CRABP1: variants seen among roughly 807,000 people sequenced by gnomAD.
CRABP1 encodes the protein cellular retinoic acid-binding protein 1.
Under a neutral mutation model 16.4 loss-of-function variants are expected in CRABP1, and 9 were observed. That is an observed-to-expected ratio of 0.55 (90% CI 0.33 to 0.96). CRABP1 has a LOEUF of 0.96. CRABP1 is among the 40% of genes least tolerant of loss of function. The pLI is 0.03. For missense variants in CRABP1, 157 were observed against 186.0 expected, an observed-to-expected ratio of 0.84 and a Z score of 0.91; for synonymous variants, 72 against 70.4, an observed-to-expected ratio of 1.02 and a Z score of -0.11.
At chr15:78,342,711 A>G (rs1411274269) in intron 2 of CRABP1, among the ~76,000 whole-genome samples, 2 of 152,350 alleles carry the variant, frequency 1.3e-5, no homozygotes, top group Non-Finnish European at 2.9e-5. Context: ...ACCGAGGTTT[A>G]TCAGTGCAGG....
At chr15:78,347,889 T>C (rs1364352955) in intron 3 of CRABP1, 38 bp from the exon 4 acceptor site, 2 of 1,609,986 alleles carry the variant, frequency 1.2e-6, no homozygotes, top group Non-Finnish European at 1.7e-6. Flanking sequence ...TGCACAGGCA[T>C]CTGCACTGAT....
At chr15:78,343,951 C>T (rs2050250258) in intron 3 of CRABP1, among the ~76,000 whole-genome samples, 1 of 152,194 alleles carries the variant, frequency 6.6e-6, no homozygotes, top group Admixed American at 6.5e-5. Flanking sequence ...TATGAGGTCC[C>T]CACGCTCACA....
At position 78,341,104 on chromosome 15, in the gene CRABP1, C is replaced by G; in HGVS notation, c.132C>G (p.Ile44Met). 1 of 1,612,926 alleles carries G rather than the reference C, an allele frequency of 6.2e-7. No individual in the cohort carries two copies. Reference sequence around the variant, plus strand: ...CTGCGTCCAAGCCGCACGTGGAGATCCGCCAGGACGGGGATCAGTTCTACA... The same window carrying G: ...CTGCGTCCAAGCCGCACGTGGAGATGCGCCAGGACGGGGATCAGTTCTACA... Reference protein sequence around the residue: ...VAAASKPHVEIRQDGDQFYIK... With the variant: ...VAAASKPHVEMRQDGDQFYIK... The change falls in exon 2 of 4, where the codon ATC becomes ATG. Residue 44 changes from isoleucine (I) to methionine (M), a missense_variant. Coordinates refer to ENST00000299529, the MANE Select transcript of CRABP1 (RefSeq NM_004378.3). The surrounding 1 kb of genome is among the most constrained non-coding windows in gnomAD (Gnocchi z 5.3).
In CRABP1 at chr15:78,341,773, T is replaced by C. The variant is rs1238272983; in HGVS notation, c.249+552T>C. ...GAGTCTTTCCAAAAGCAAGGCAGGT[T>C]CTGGCTGGGAAAATGGACTAGTTGC... On this transcript the variant is annotated intron_variant, in intron 2 of 3. Coordinates refer to ENST00000299529, the MANE Select transcript of CRABP1 (RefSeq NM_004378.3). This position sits in a 1 kb window ranked among gnomAD's most constrained non-coding sequence, Gnocchi z 5.3. The C allele has an allele frequency of 5.8e-6, 1 of 171,470 alleles. No individual in the cohort carries two copies. Among genetic ancestry groups the C allele is most frequent in the Non-Finnish European group, 1.3e-5 (1 of 79,020 alleles). The allele number at this position is 171,470 out of a possible 1,614,324, so 10.6% of individuals were successfully genotyped here.
intron 3 of CRABP1, 39 bp downstream of exon 3, chr15:78,343,651 C>T: frequency 6.4e-7 from 1 of 1,571,992 alleles, no homozygotes; most frequent in African/African-American, 1.4e-5. Context: ...CTGAAGTTCC[C>T]CCAGAGGGGG....
chr15:78,340,703 C>A (rs544224335), intron 1 of CRABP1: 29 of 636,728 alleles, frequency 4.6e-5, no homozygotes, highest in Admixed American at 1.5e-4. Context: ...GTTCAGCGAA[C>A]GTTTGCTGAA....
Position 78,341,111 on chromosome 15 carries a change from GA to G in CRABP1, c.140del (p.Asp47AlafsTer39). ...CAAGCCGCACGTGGAGATCCGCCAG[GA>G]CGGGGATCAGTTCTACATCAAGACA... is the stretch of plus-strand genomic sequence containing the variant. ...ASKPHVEIRQDGDQFYIKTST... is the reference protein window; with the variant it reads ...ASKPHVEIRQXGDQFYIKTST... On this transcript the variant is annotated frameshift_variant, in exon 2 of 4. Coordinates refer to ENST00000299529, the MANE Select transcript of CRABP1 (RefSeq NM_004378.3). LOFTEE classifies it high-confidence loss of function. The surrounding 1 kb of genome is among the most constrained non-coding windows in gnomAD (Gnocchi z 5.3). The G allele has an allele frequency of 6.2e-7, 1 of 1,613,134 alleles. No individual in the cohort carries two copies. Among genetic ancestry groups the G allele is most frequent in the Non-Finnish European group, 8.5e-7 (1 of 1,179,830 alleles).
Position 78,348,060 on chromosome 15 carries a change from C to A in CRABP1, c.*83C>A. On this transcript the variant is annotated 3_prime_UTR_variant, in exon 4 of 4. Transcript: ENST00000299529. The stretch of plus-strand genomic sequence containing the variant: ...TCATAGTTCTGAGCTGCCAGTGGAC[C>A]GCCCTTTTCCCCTACCAATATTAGG... The A allele has an allele frequency of 7.6e-7, 1 of 1,319,888 alleles. No homozygotes were observed. The highest frequency in any genetic ancestry group is 1.1e-6 in the Non-Finnish European group (1 of 927,056). The allele number at this position is 1,319,888 out of a possible 1,614,324, so 81.8% of individuals were successfully genotyped here. A position where few individuals can be genotyped will look rare whatever the true frequency, so the allele number is the denominator to read the frequency against.
At chr15:78,345,596 G>A (rs16969725) in intron 3 of CRABP1, among the ~76,000 whole-genome samples, 11,170 of 151,536 alleles carry the variant, frequency 0.074, 855 homozygotes, top group African/African-American at 0.19. Context: ...ATTAACCTCT[G>A]TAGTATACGA....
At chr15:78,343,713 G>C (rs1392469142) in intron 3 of CRABP1, 101 bp downstream of exon 3, 2 of 777,798 alleles carry the variant, frequency 2.6e-6, no homozygotes, top group African/African-American at 3.5e-5. Context: ...TTCAGAGAAA[G>C]ACACCATTTG....
In CRABP1 at chr15:78,341,257, C is replaced by G. The variant is rs757084444; in HGVS notation, c.249+36C>G. The G allele has an allele frequency of 3.2e-6, 5 of 1,580,676 alleles. No homozygotes were observed. The highest frequency in any genetic ancestry group is 1.3e-5 in the African/African-American group (1 of 74,414). ...AGAGCCACTACAGCGTCCCCGTGTC[C>G]CCGCTCGGTGCCCATGGCCCACTGC... is the stretch of plus-strand genomic sequence containing the variant. On this transcript the variant is annotated intron_variant, in intron 2 of 3. Coordinates refer to ENST00000299529, the MANE Select transcript of CRABP1 (RefSeq NM_004378.3). The surrounding 1 kb of genome is among the most constrained non-coding windows in gnomAD (Gnocchi z 5.3).
At chr15:78,346,178 A>T (rs1323367353) in intron 3 of CRABP1, among the ~76,000 whole-genome samples, 1 of 152,190 alleles carries the variant, frequency 6.6e-6, no homozygotes, top group African/African-American at 2.4e-5. Flanking sequence ...TGGCTGTAGA[A>T]CTCAAAGAAT....
chr15:78,340,643 C>T (rs1283466409), intron 1 of CRABP1, 145 bp downstream of exon 1: 1 of 889,566 alleles, frequency 1.1e-6, no homozygotes, highest in Non-Finnish European at 1.7e-6. Context: ...GCCTTGTCTC[C>T]CAGGCGCACC....
At chr15:78,345,006 T>C (rs1313205181) in intron 3 of CRABP1, among the ~76,000 whole-genome samples, 1 of 152,236 alleles carries the variant, frequency 6.6e-6, no homozygotes, top group Admixed American at 6.5e-5. Flanking sequence ...AAAGCTGTTT[T>C]GGGTAACCAG....
At chr15:78,340,540 C>T (rs1490894769) in intron 1 of CRABP1, 42 bp downstream of exon 1, 17 of 1,585,124 alleles carry the variant, frequency 1.1e-5, no homozygotes, top group African/African-American at 2.7e-5. Flanking sequence ...GGAGATGCGG[C>T]CCGGAGGTGC....
intron 2 of CRABP1, among the ~76,000 whole-genome samples, chr15:78,342,825 A>G (rs1014786744): frequency 6.6e-6 from 1 of 152,188 alleles, no homozygotes; most frequent in African/African-American, 2.4e-5. Flanking sequence ...GTGGTTACAA[A>G]CTTGGTGTCT....
chr15:78,346,786 T>C (rs550876129), intron 3 of CRABP1, among the ~76,000 whole-genome samples: 1 of 152,352 alleles, frequency 6.6e-6, no homozygotes, highest in African/African-American at 2.4e-5. Context: ...GAGCATCTCG[T>C]GACCAACTAA....
intron 2 of CRABP1, 118 bp from the exon 3 acceptor site, chr15:78,343,378 CCTG>C: frequency 1.3e-6 from 1 of 752,938 alleles, no homozygotes; most frequent in Non-Finnish European, 2.2e-6. Flanking sequence ...GAATCTGTGG[CCTG>C]CTGACAGGGA....
intron 3 of CRABP1, among the ~76,000 whole-genome samples, chr15:78,345,135 T>C (rs752721723): frequency 4.6e-5 from 7 of 152,184 alleles, no homozygotes; most frequent in Non-Finnish European, 7.3e-5. Context: ...AGGAAAGGAC[T>C]TGCAGTGTGA....
Sources: allele counts gnomAD v4.1 joint callset (sites outside exome capture counted in the v4.1 genomes callset), GRCh38; gene constraint gnomAD v4.1.1; non-coding constraint Gnocchi (gnomAD v3.1); transcripts MANE v1.5; gene names NCBI Gene and HGNC (gene_info 2026-07-23, HGNC 2026-07-21).